FRMD4A: variants seen among roughly 807,000 people sequenced by gnomAD.
The protein encoded by FRMD4A is FERM domain-containing protein 4A.
FRMD4A carries 29 observed loss-of-function variants against 129.1 expected under a neutral mutation model. That is an observed-to-expected ratio of 0.22 (90% confidence interval 0.17 to 0.31). FRMD4A has a LOEUF of 0.31. Among genes scored for constraint, FRMD4A ranks in the 10% least tolerant of loss-of-function variants. The pLI, the probability that FRMD4A is intolerant of heterozygous loss-of-function variation, is 1.00. For missense variants in FRMD4A, 1,272 were observed against 1,375.8 expected, an observed-to-expected ratio of 0.92 and a Z score of 1.19; for synonymous variants, 634 against 571.6, an observed-to-expected ratio of 1.11 and a Z score of -1.56.
rs556509783 is a variant in FRMD4A at position 14,054,316 on chromosome 10, G to A, written c.46-195404C>T. Among the ~76,000 whole-genome samples the A allele has an allele frequency of 5.9e-5, 9 of 152,238 alleles. No homozygotes were observed. The East Asian group carries it at 1.7e-3, about 29-fold the overall frequency. On this transcript the variant is annotated intron_variant, in intron 2 of 24. Coordinates refer to ENST00000357447, the MANE Select transcript of FRMD4A (RefSeq NM_018027.5). ...CTTCTGTGGCTGCTGACCCTGGAGA[G>A]GTCACCTCCCCTGCCCCAGCACTGT...
chr10:14,001,025 C>A (rs11596369), intron 2 of FRMD4A, among the ~76,000 whole-genome samples: 5,472 of 152,224 alleles, frequency 0.036, 117 homozygotes, highest in Middle Eastern at 0.068. Context: ...ACCCAACCAA[C>A]CCATTTATTT....
intron 2 of FRMD4A, among the ~76,000 whole-genome samples, chr10:14,245,889 G>A (rs184381608): frequency 7.8e-4 from 118 of 152,232 alleles, no homozygotes; most frequent in African/African-American, 2.5e-3. Context: ...TTCCAGTGCG[G>A]GGAGCCAGAC....
Position 14,131,157 on chromosome 10 carries a change from C to T in FRMD4A, c.45+198901G>A, listed in dbSNP as rs560208450. ...AGTAGAGAATGTAACCACACAAATC[C>T]CCAAATTATACTTTTGCTAGAGAAA... is the stretch of plus-strand genomic sequence containing the variant. On this transcript the variant is annotated intron_variant, in intron 2 of 24. Transcript: ENST00000357447. Among the ~76,000 whole-genome samples, 15 of 152,236 alleles carry T rather than the reference C, an allele frequency of 9.9e-5. No homozygotes were observed. The South Asian group carries it at 1.7e-3, about 17-fold the overall frequency.
chr10:14,278,885 C>T (rs2132057281), intron 2 of FRMD4A, among the ~76,000 whole-genome samples: 2 of 152,332 alleles, frequency 1.3e-5, no homozygotes, highest in Middle Eastern at 3.4e-3. Context: ...TTTGTGTACT[C>T]AGGAAGAAAT....
At chr10:13,806,877 G>C (rs2027550) in intron 4 of FRMD4A, among the ~76,000 whole-genome samples, 1 of 151,968 alleles carries the variant, frequency 6.6e-6, no homozygotes, top group Non-Finnish European at 1.5e-5. Context: ...GCATGACCTC[G>C]GCTCACTGCA....
intron 15 of FRMD4A, among the ~76,000 whole-genome samples, chr10:13,687,582 G>A (rs1490379965): frequency 6.6e-6 from 1 of 152,156 alleles, no homozygotes; most frequent in Non-Finnish European, 1.5e-5. Flanking sequence ...AAAAGACCCT[G>A]AACATGTCTT....
At chr10:14,004,242 C>G (rs1003209184) in intron 2 of FRMD4A, among the ~76,000 whole-genome samples, 2 of 152,196 alleles carry the variant, frequency 1.3e-5, no homozygotes, top group African/African-American at 4.8e-5. Context: ...AAATTGTCAT[C>G]TGTTTATTAA....
At chr10:14,031,437 T>A (rs1833240180) in intron 2 of FRMD4A, among the ~76,000 whole-genome samples, 2 of 152,172 alleles carry the variant, frequency 1.3e-5, no homozygotes, top group Admixed American at 6.5e-5. Flanking sequence ...CTGGCTAATT[T>A]TTGTATTTTT....
Position 13,643,845 on chromosome 10 carries a change from G to A in FRMD4A, c.*3193C>T, listed in dbSNP as rs1276647628. On this transcript the variant is annotated 3_prime_UTR_variant, in exon 25 of 25. Transcript: ENST00000357447. ...TTAATTCTGCAACTTTGTCTACAAC[G>A]TACATCTTTTTCATTGATTACAGTT... 3.9e-5 allele frequency: 6 copies of A among 152,512 alleles called. No individual in the cohort carries two copies. The highest frequency in any genetic ancestry group is 6.5e-5 in the Admixed American group (1 of 15,272). 9.4% of individuals were successfully genotyped at this position (152,512 alleles called of 1,614,324 possible).
At chr10:14,143,640 A>T (rs1839942533) in intron 2 of FRMD4A, among the ~76,000 whole-genome samples, 1 of 152,150 alleles carries the variant, frequency 6.6e-6, no homozygotes, top group Non-Finnish European at 1.5e-5. Context: ...CTGAGACAAG[A>T]GTCTTGTTCT....
chr10:14,310,874 T>A (rs981204053), intron 2 of FRMD4A, among the ~76,000 whole-genome samples: 1 of 152,120 alleles, frequency 6.6e-6, no homozygotes, highest in African/African-American at 2.4e-5. Context: ...AGAGAGCTCT[T>A]CTCTTTTCTT....
intron 2 of FRMD4A, among the ~76,000 whole-genome samples, chr10:14,288,788 C>T (rs1331986308): frequency 6.6e-6 from 1 of 152,116 alleles, no homozygotes; most frequent in Non-Finnish European, 1.5e-5. Flanking sequence ...ATTTCTCCCT[C>T]TCCTCCAGCC....
intron 2 of FRMD4A, among the ~76,000 whole-genome samples, chr10:14,081,749 G>A (rs2169323): frequency 0.23 from 34,652 of 152,036 alleles, 4,543 homozygotes; most frequent in East Asian, 0.54. Flanking sequence ...AAGAAGTCTC[G>A]CTCTACCAAG....
intron 2 of FRMD4A, among the ~76,000 whole-genome samples, chr10:13,892,026 C>A (rs898010769): frequency 2.1e-5 from 3 of 141,570 alleles, no homozygotes; most frequent in African/African-American, 8.1e-5. Context: ...TGCGCGCCCC[C>A]GCCCCCCCAG....
intron 23 of FRMD4A, 130 bp from the exon 24 acceptor site, chr10:13,652,104 G>T (rs991187992): frequency 1.4e-6 from 1 of 701,812 alleles, no homozygotes; most frequent in Non-Finnish European, 2.6e-6. Context: ...ACCTGAGTTA[G>T]CAACAGATCA....
chr10:14,206,276 A>C (rs1452764964), intron 2 of FRMD4A, among the ~76,000 whole-genome samples: 9 of 152,194 alleles, frequency 5.9e-5, no homozygotes, highest in Non-Finnish European at 4.4e-5. Context: ...ACAAACTGAC[A>C]ACCCAGTCAG....
chr10:14,258,108 C>A (rs1420189157), intron 2 of FRMD4A, among the ~76,000 whole-genome samples: 1 of 151,728 alleles, frequency 6.6e-6, no homozygotes, highest in African/African-American at 2.4e-5. Flanking sequence ...ATCTTAGTGA[C>A]CTTGGGTTTG....
chr10:14,148,101 T>C (rs78638589), intron 2 of FRMD4A, among the ~76,000 whole-genome samples: 3,553 of 152,272 alleles, frequency 0.023, 64 homozygotes, highest in Non-Finnish European at 0.036. Context: ...TTAATGTGTA[T>C]TGTGCAATTT....
intron 2 of FRMD4A, among the ~76,000 whole-genome samples, chr10:13,904,102 G>A (rs576570286): frequency 1.3e-5 from 2 of 152,270 alleles, no homozygotes; most frequent in South Asian, 4.2e-4. Flanking sequence ...TCATCACCAG[G>A]CACTGGTGGG....
Sources: gnomAD v4.1 joint callset for allele counts (sites outside exome capture counted in the v4.1 genomes callset) on GRCh38, gnomAD v4.1.1 for gene constraint, MANE v1.5 for transcripts, NCBI Gene and HGNC (gene_info 2026-07-23, HGNC 2026-07-21) for gene names.